Variants in WDR35 observed in about 807,000 individuals in gnomAD.
WDR35 encodes the protein WD repeat-containing protein 35.
WDR35 carries 118 observed loss-of-function variants against 158.3 expected under a neutral mutation model. The observed-to-expected ratio is 0.75, with a 90% CI of 0.64 to 0.87. The LOEUF is 0.87. Among genes scored for constraint, WDR35 ranks in the 40% least tolerant of loss-of-function variants. The pLI is 0.00. For synonymous variants in WDR35, 448 were observed against 476.1 expected (o/e 0.94, Z 0.77); for missense variants, 1,263 against 1,405.8 (o/e 0.90, Z 1.62).
At chr2:19,950,492 T>C (rs938501976) in intron 13 of WDR35, among the ~76,000 whole-genome samples, 1 of 152,094 alleles carries the variant, frequency 6.6e-6, no homozygotes, top group Non-Finnish European at 1.5e-5. Context: ...TGGTTGACAA[T>C]GGAAACTTCT....
intron 25 of WDR35, among the ~76,000 whole-genome samples, chr2:19,917,240 C>CA (rs1316861350): frequency 6.6e-6 from 1 of 152,202 alleles, no homozygotes; most frequent in Non-Finnish European, 1.5e-5. Context: ...ATCCGAAGGT[C>CA]ACCGACTTCA....
intron 11 of WDR35, 143 bp from the exon 12 acceptor site, chr2:19,954,121 A>T (rs2103426993): frequency 1.1e-6 from 1 of 876,874 alleles, no homozygotes; most frequent in East Asian, 2.6e-5. Flanking sequence ...ACCCATACAC[A>T]GTCTCTGAAA....
chr2:19,979,269 A>G (rs1166586224), intron 4 of WDR35, among the ~76,000 whole-genome samples: 3 of 152,210 alleles, frequency 2.0e-5, no homozygotes, highest in Non-Finnish European at 4.4e-5. Flanking sequence ...AACCAATTAA[A>G]AAAACTCCAA....
Position 19,935,541 on chromosome 2 carries a change from T to A in WDR35, c.2477A>T (p.Tyr826Phe), listed in dbSNP as rs775387773. The change falls in exon 21 of 27, where the codon TAT becomes TTT. Residue 826 changes from tyrosine to phenylalanine, a missense_variant. Transcript: ENST00000281405. ...TAACCCTTCATAATCCTCTAACATATAGTAACATTCAGCTAAGCGTTCCTG... is the reference window on the plus strand; with the variant it reads ...TAACCCTTCATAATCCTCTAACATAAAGTAACATTCAGCTAAGCGTTCCTG... ...RNQERLAECY[Y>F]MLEDYEGLEN... is the part of the protein sequence containing the mutation. 2 of 1,613,150 alleles carry A rather than the reference T, an allele frequency of 1.2e-6. No individual in the cohort carries two copies. Among genetic ancestry groups the A allele is most frequent in the African/African-American group, 2.7e-5 (2 of 74,910 alleles).
rs765667279 is a variant in WDR35, at chr2:19,910,311, C to T, written c.*3247G>A. 1 of 152,186 alleles carries T rather than the reference C, an allele frequency of 6.6e-6. No homozygotes were observed. Among genetic ancestry groups the T allele is most frequent in the Non-Finnish European group, 1.5e-5 (1 of 68,026 alleles). 9.4% of individuals were successfully genotyped at this position (152,186 alleles called of 1,614,324 possible). A position where few individuals can be genotyped will look rare whatever the true frequency, so the allele number is the denominator to read the frequency against. ...TTTCGTATTTTTTCACTTAATACTA[C>T]ATAAAATCTAAGATCTCAGCTCTTG... On this transcript the variant is annotated 3_prime_UTR_variant, in exon 27 of 27. Coordinates refer to ENST00000281405, the MANE Select transcript of WDR35 (RefSeq NM_020779.4).
At chr2:19,932,880 A>C (rs993132635) in intron 22 of WDR35, among the ~76,000 whole-genome samples, 2 of 152,208 alleles carry the variant, frequency 1.3e-5, no homozygotes, top group African/African-American at 4.8e-5. Flanking sequence ...ATATTAAAAG[A>C]ATACATTAAT....
At chr2:19,954,475 TA>T (rs1225676718) in intron 11 of WDR35, among the ~76,000 whole-genome samples, 1 of 152,082 alleles carries the variant, frequency 6.6e-6, no homozygotes, top group Admixed American at 6.5e-5. Flanking sequence ...AACTCAATAA[TA>T]AAGACAAATA....
At chr2:19,985,254 G>A (rs540440259) in intron 2 of WDR35, among the ~76,000 whole-genome samples, 2 of 148,532 alleles carry the variant, frequency 1.3e-5, no homozygotes, top group South Asian at 4.4e-4. Flanking sequence ...AGCAAGAAAT[G>A]CCACCTCAAT....
intron 25 of WDR35, among the ~76,000 whole-genome samples, chr2:19,918,944 A>G (rs1253931848): frequency 1.3e-5 from 2 of 152,206 alleles, no homozygotes; most frequent in African/African-American, 4.8e-5. Context: ...CAGAATATAC[A>G]TTCTTCTCAG....
chr2:19,915,442 A>C (rs1169790405), intron 25 of WDR35, among the ~76,000 whole-genome samples: 2 of 151,898 alleles, frequency 1.3e-5, no homozygotes, highest in African/African-American at 2.4e-5. Context: ...CTGACAAAAA[A>C]AAAAAAAATG....
rs763618858 is a variant in WDR35 at position 19,935,503 on chromosome 2, T to C, written c.2515A>G (p.Ile839Val). The part of the protein sequence containing the change: ...EDYEGLENLA[I>V]SLPENHKLLP... ...AACTTGTGGTTTTCTGGAAGTGAAA[T>C]GGCAAGGTTCTCTAACCCTTCATAA... The change falls in exon 21 of 27, where the codon ATT becomes GTT. Residue 839 changes from isoleucine to valine, a missense_variant. Ile to Val is a conservative substitution (Grantham distance 29). Coordinates refer to ENST00000281405, the MANE Select transcript of WDR35 (RefSeq NM_020779.4). The C allele has an allele frequency of 9.4e-5, 152 of 1,612,928 alleles. No homozygotes were observed. The highest frequency in any genetic ancestry group is 1.2e-4 in the Non-Finnish European group (147 of 1,179,532).
intron 25 of WDR35, among the ~76,000 whole-genome samples, chr2:19,926,996 G>A (rs1178337460): frequency 2.0e-5 from 3 of 152,150 alleles, no homozygotes; most frequent in Admixed American, 2.0e-4. Context: ...TCAACTAACT[G>A]GGGACAGATC....
intron 12 of WDR35, 174 bp from the exon 13 acceptor site, chr2:19,951,658 A>G (rs1671239421): frequency 5.6e-6 from 3 of 535,882 alleles, no homozygotes; most frequent in Non-Finnish European, 9.8e-6. Flanking sequence ...AAAATTATCT[A>G]CCAGGTGTTT....
At chr2:19,933,331 C>T (rs1670583580) in intron 22 of WDR35, 70 bp downstream of exon 22, 3 of 1,305,354 alleles carry the variant, frequency 2.3e-6, no homozygotes, top group Non-Finnish European at 3.3e-6. Context: ...ACTAGGGTGA[C>T]TTTAACCTTG....
At chr2:19,965,507 G>A (rs1042760953) in intron 10 of WDR35, among the ~76,000 whole-genome samples, 3 of 152,236 alleles carry the variant, frequency 2.0e-5, no homozygotes, top group Admixed American at 1.3e-4. Flanking sequence ...GAATTCTCCT[G>A]AGAAGATTTC....
intron 22 of WDR35, 45 bp from the exon 23 acceptor site, chr2:19,932,492 C>A: frequency 1.2e-6 from 2 of 1,609,094 alleles, no homozygotes; most frequent in South Asian, 2.2e-5. Flanking sequence ...TATTTACAGT[C>A]ACATATATCA....
chr2:19,968,476 A>C (rs1160968115), intron 9 of WDR35, among the ~76,000 whole-genome samples: 2 of 152,138 alleles, frequency 1.3e-5, no homozygotes, highest in African/African-American at 4.8e-5. Context: ...TATCAGCATC[A>C]ACTCTTGGGC....
chr2:19,930,354 A>G, intron 25 of WDR35, 42 bp downstream of exon 25: 2 of 1,613,848 alleles, frequency 1.2e-6, no homozygotes, highest in Non-Finnish European at 1.7e-6. Context: ...TACTCAATTT[A>G]TAATTTTCAG....
In WDR35 at chr2:19,951,410, C is replaced by T. The variant is rs759198656; in HGVS notation, c.1470+5G>A. 1 of 1,604,334 alleles carries T rather than the reference C, an allele frequency of 6.2e-7. No individual in the cohort carries two copies. Among genetic ancestry groups the T allele is most frequent in the East Asian group, 2.2e-5 (1 of 44,626 alleles). On this transcript the variant is annotated splice_donor_5th_base_variant and intron_variant, in intron 13 of 26. Coordinates refer to ENST00000281405, the MANE Select transcript of WDR35 (RefSeq NM_020779.4). ...ACATTTTCTGGAAAAATTAAAATCA[C>T]CTACTTGAATGGTTTTACTATAATC...
Sources: allele counts gnomAD v4.1 joint callset (sites outside exome capture counted in the v4.1 genomes callset), GRCh38; gene constraint gnomAD v4.1.1; transcripts MANE v1.5; gene names NCBI Gene and HGNC (gene_info 2026-07-23, HGNC 2026-07-21).